Variants in PLB1 observed in about 807,000 individuals in gnomAD.
PLB1 encodes the protein phospholipase B1, membrane-associated.
A neutral mutation model predicts 227.4 loss-of-function variants in PLB1; 242 were observed. That is an observed-to-expected ratio of 1.06 (90% CI 0.96 to 1.18). The LOEUF (loss-of-function observed/expected upper bound fraction) is 1.18, where lower values mean the gene tolerates loss of function less well. Ranked by LOEUF, PLB1 falls within the 50% of genes most tolerant of loss-of-function variation. The pLI is 0.00. For synonymous variants in PLB1, 757 were observed against 682.2 expected, an observed-to-expected ratio of 1.11 and a Z score of -1.71; for missense variants, 1,858 against 1,816.3, an observed-to-expected ratio of 1.02 and a Z score of -0.42.
chr2:28,580,430 G>A (rs924478791), intron 23 of PLB1, among the ~76,000 whole-genome samples: 2 of 152,188 alleles, frequency 1.3e-5, no homozygotes, highest in African/African-American at 2.4e-5. Flanking sequence ...TAAAAGCAAA[G>A]TTGGCTGGGT....
At chr2:28,634,155 G>GGGGGTTTTCCTC (rs947754210) in intron 56 of PLB1, among the ~76,000 whole-genome samples, 6 of 152,296 alleles carry the variant, frequency 3.9e-5, no homozygotes, top group Non-Finnish European at 5.9e-5. Context: ...TCCATTGTCA[G>GGGGGTTTTCCTC]GGGGTTTTCC....
chr2:28,636,085 G>C (rs1019671470), intron 56 of PLB1, among the ~76,000 whole-genome samples: 1 of 152,068 alleles, frequency 6.6e-6, no homozygotes, highest in Admixed American at 6.6e-5. Context: ...GTATGACAGA[G>C]TCTCACTCTG....
At position 28,630,373 on chromosome 2, in the gene PLB1, G is replaced by C. The variant is rs566811289; in HGVS notation, c.3819-213G>C. Reference sequence around the variant, plus strand: ...ATGAACAATCATCCTCTGGACCTCAGGGCTCCTGAGTTAGCATTCTGTAAC... The same window carrying C: ...ATGAACAATCATCCTCTGGACCTCACGGCTCCTGAGTTAGCATTCTGTAAC... On this transcript the variant is annotated intron_variant, in intron 53 of 57. Coordinates refer to ENST00000327757, the MANE Select transcript of PLB1 (RefSeq NM_153021.5). Among the ~76,000 whole-genome samples, 3 of 152,306 alleles carry C rather than the reference G, an allele frequency of 2.0e-5. No individual in the cohort carries two copies. In the East Asian group the frequency reaches 5.8e-4, roughly 29 times the overall value.
At chr2:28,633,097 T>A (rs1688868922) in intron 56 of PLB1, 58 bp downstream of exon 56, 5 of 1,450,264 alleles carry the variant, frequency 3.4e-6, no homozygotes, top group Non-Finnish European at 4.8e-6. Context: ...ATATTGACAC[T>A]CTGTCTCACA....
Position 28,644,063 on chromosome 2 carries a change from A to G in PLB1, c.*1002A>G, listed in dbSNP as rs1220873687. 6.6e-6 allele frequency among the ~76,000 whole-genome samples: 1 copy of G among 152,226 alleles called. No individual in the cohort carries two copies. Among genetic ancestry groups the G allele is most frequent in the Non-Finnish European group, 1.5e-5 (1 of 68,044 alleles). The stretch of plus-strand genomic sequence containing the variant: ...CACCGTGAATGTACTAAACGCCGCA[A>G]ATTGTTCCATTTAAAATGATTAATT... On this transcript the variant is annotated 3_prime_UTR_variant, in exon 58 of 58. Transcript: ENST00000327757.
At chr2:28,558,055 T>A (rs1336370865) in intron 17 of PLB1, among the ~76,000 whole-genome samples, 1 of 152,148 alleles carries the variant, frequency 6.6e-6, no homozygotes, top group Non-Finnish European at 1.5e-5. Context: ...ATCTATCAGA[T>A]GACGTCAGGC....
chr2:28,500,656 T>G (rs571600448), intron 1 of PLB1, among the ~76,000 whole-genome samples: 9 of 152,036 alleles, frequency 5.9e-5, no homozygotes, highest in African/African-American at 2.2e-4. Flanking sequence ...CTTTTTCATA[T>G]GAAATTCATC....
Position 28,604,806 on chromosome 2 carries a change from G to A in PLB1, c.2961+47G>A, listed in dbSNP as rs1055400778. Reference sequence around the variant, plus strand: ...ATGGTACTCTTTTAGAGGAAGAAATGCAAGGCAGAATTGCCAGTTGCTTCC... The same window carrying A: ...ATGGTACTCTTTTAGAGGAAGAAATACAAGGCAGAATTGCCAGTTGCTTCC... On this transcript the variant is annotated intron_variant, in intron 41 of 57. Transcript: ENST00000327757. 7 of 1,542,214 alleles carry A rather than the reference G, an allele frequency of 4.5e-6. No homozygotes were observed. The African/African-American group carries it at 9.6e-5, about 21-fold the overall frequency.
chr2:28,539,434 C>T (rs1672161513), intron 11 of PLB1, among the ~76,000 whole-genome samples: 1 of 152,144 alleles, frequency 6.6e-6, no homozygotes, highest in African/African-American at 2.4e-5. Flanking sequence ...GATGTTGTGC[C>T]AGAGGCTCTC....
At chr2:28,532,336 GGATGGATGGATA>G (rs1451492867) in intron 9 of PLB1, 142 bp downstream of exon 9, 2 of 539,538 alleles carry the variant, frequency 3.7e-6, no homozygotes, top group South Asian at 6.2e-5. Flanking sequence ...ATGGATGGAT[GGATGGATGGATA>G]GATGGATGGA....
chr2:28,499,884 CA>C (rs201654533), intron 1 of PLB1, among the ~76,000 whole-genome samples: 1 of 148,926 alleles, frequency 6.7e-6, no homozygotes, highest in Non-Finnish European at 1.5e-5. Flanking sequence ...GACTCTGTCT[CA>C]AAAAAAAAGG....
At chr2:28,568,021 A>G (rs558474799) in intron 20 of PLB1, among the ~76,000 whole-genome samples, 1 of 152,302 alleles carries the variant, frequency 6.6e-6, no homozygotes, top group South Asian at 2.1e-4. Context: ...GATTTGGATG[A>G]GGGGGACATC....
At chr2:28,585,621 C>G (rs1680777444) in intron 25 of PLB1, 140 bp from the exon 26 acceptor site, 2 of 716,954 alleles carry the variant, frequency 2.8e-6, no homozygotes, top group Admixed American at 2.4e-5. Flanking sequence ...GCAGGTCAGC[C>G]AGCCAGGCTC....
intron 54 of PLB1, 36 bp downstream of exon 54, chr2:28,630,700 G>T (rs192153162): frequency 1.3e-6 from 2 of 1,570,244 alleles, no homozygotes; most frequent in Non-Finnish European, 8.7e-7. Context: ...TGACCCAGCT[G>T]GGGGGCCCCC....
At position 28,573,280 on chromosome 2, in the gene PLB1, C is replaced by T. The variant is rs1412111659; in HGVS notation, c.1408C>T (p.Gln470Ter). ...AACCAGTCCTAATGCCTTCTTAAACCAGGCTGTGGCAGGAGGCCGAGCTGA... is the reference window on the plus strand; with the variant it reads ...AACCAGTCCTAATGCCTTCTTAAACTAGGCTGTGGCAGGAGGCCGAGCTGA... ...KETSPNAFLNQAVAGGRAEDL... is the reference protein window; with the variant it reads ...KETSPNAFLN The change falls in exon 21 of 58, where the codon CAG (glutamine) becomes TAG (stop). Residue 470 changes from glutamine to a stop codon, truncating the protein, a stop_gained. Transcript: ENST00000327757. LOFTEE classifies it high-confidence loss of function. 6 of 1,613,790 alleles carry T rather than the reference C, an allele frequency of 3.7e-6. No individual in the cohort carries two copies. The highest frequency in any genetic ancestry group is 3.3e-5 in the South Asian group (3 of 91,070).
At chr2:28,575,739 G>A (rs1678810471) in intron 21 of PLB1, among the ~76,000 whole-genome samples, 1 of 152,056 alleles carries the variant, frequency 6.6e-6, no homozygotes, top group Non-Finnish European at 1.5e-5. Context: ...TTTTAGTAGA[G>A]ACAGCGTTTC....
rs1443671600 is a variant in PLB1 at position 28,520,139 on chromosome 2, G to A, written c.243+376G>A. On this transcript the variant is annotated intron_variant, in intron 4 of 57. Transcript: ENST00000327757. The stretch of plus-strand genomic sequence containing the variant: ...GACAGAGTTTCTCCATGTTGGTCAG[G>A]CTAGTCTCGAACTCCTGACCTCAGG... Among the ~76,000 whole-genome samples, 183 of 151,978 alleles carry A rather than the reference G, an allele frequency of 1.2e-3. 1 individual carries two copies. The highest frequency in any genetic ancestry group is 4.2e-3 in the African/African-American group (176 of 41,452).
chr2:28,520,789 A>G (rs760981634), intron 4 of PLB1, among the ~76,000 whole-genome samples: 1 of 152,148 alleles, frequency 6.6e-6, no homozygotes, highest in Non-Finnish European at 1.5e-5. Context: ...CCTGTCCAAC[A>G]TGGTGAAACC....
chr2:28,597,077 C>A (rs1186226443), intron 33 of PLB1, among the ~76,000 whole-genome samples: 1 of 152,092 alleles, frequency 6.6e-6, no homozygotes, highest in Non-Finnish European at 1.5e-5. Context: ...TCCTGGCTAA[C>A]ACGGTGGAAC....
Sources: allele counts gnomAD v4.1 joint callset (sites outside exome capture counted in the v4.1 genomes callset), GRCh38; gene constraint gnomAD v4.1.1; transcripts MANE v1.5; gene names NCBI Gene and HGNC (gene_info 2026-07-23, HGNC 2026-07-21).